Variants in NUP93 observed in about 807,000 individuals in gnomAD.
NUP93 encodes the protein nucleoporin 93, also known as nuclear pore complex protein Nup93.
A neutral mutation model predicts 107.8 loss-of-function variants in NUP93; 55 were observed. That is an observed-to-expected ratio of 0.51 (90% CI 0.41 to 0.64). The LOEUF is 0.64. Ranked by LOEUF, NUP93 falls within the 30% of genes least tolerant of loss-of-function variation. The pLI, the probability that NUP93 is intolerant of heterozygous loss-of-function variation, is 0.00. For missense variants in NUP93, 937 were observed against 1,044.7 expected (o/e 0.90, Z 1.42); for synonymous variants, 390 against 397.5 (o/e 0.98, Z 0.22).
chr16:56,752,567 C>T (rs1235019092), intron 2 of NUP93, among the ~76,000 whole-genome samples: 1 of 152,102 alleles, frequency 6.6e-6, no homozygotes, highest in African/African-American at 2.4e-5. Context: ...TAGTAAGATA[C>T]TAATACTCCC....
At chr16:56,808,650 A>AAATATATAAATACATTTATATAAATATAT (rs1963234332) in intron 5 of NUP93, among the ~76,000 whole-genome samples, 1 of 136,004 alleles carries the variant, frequency 7.4e-6, no homozygotes, top group Non-Finnish European at 1.5e-5. Flanking sequence ...ATAAATATAT[A>AAATATATAAATACATTTATATAAATATAT]AAAATACATA....
rs567327059 is a variant in NUP93 at position 56,829,318 on chromosome 16, G to A, written c.927+209G>A. On this transcript the variant is annotated intron_variant, in intron 9 of 21. Transcript: ENST00000308159. Reference sequence around the variant, plus strand: ...GACTCAGCTCCGGGTGGAGAAGAGTGCATGGAGAAGATGTCATTGGGTTCT... The same window carrying A: ...GACTCAGCTCCGGGTGGAGAAGAGTACATGGAGAAGATGTCATTGGGTTCT... Among the ~76,000 whole-genome samples, 38 of 152,368 alleles carry A rather than the reference G, an allele frequency of 2.5e-4. No individual in the cohort carries two copies. The East Asian group carries it at 5.2e-3, about 21-fold the overall frequency.
chr16:56,763,203 C>T (rs540837108), intron 3 of NUP93, among the ~76,000 whole-genome samples: 57 of 152,306 alleles, frequency 3.7e-4, no homozygotes, highest in African/African-American at 1.3e-3. Flanking sequence ...CATTGCTAGT[C>T]GTTCAGTACT....
At chr16:56,793,749 C>T (rs1252272397) in intron 3 of NUP93, among the ~76,000 whole-genome samples, 1 of 152,120 alleles carries the variant, frequency 6.6e-6, no homozygotes, top group African/African-American at 2.4e-5. Context: ...AAGAAACTCA[C>T]TGCCACTAGA....
intron 3 of NUP93, chr16:56,783,643 T>G (rs2144523662): frequency 1.0e-6 from 1 of 985,390 alleles, no homozygotes; most frequent in African/African-American, 1.7e-5. Context: ...GCTCCTTAAT[T>G]TAATGTATGG....
chr16:56,824,445 A>G (rs1331873855), intron 8 of NUP93, among the ~76,000 whole-genome samples: 1 of 152,190 alleles, frequency 6.6e-6, no homozygotes, highest in Non-Finnish European at 1.5e-5. Context: ...AGTAGGACCC[A>G]TGCCATCATC....
chr16:56,827,071 T>TAAAAAAAAAAAAAAAAAAAA (rs1567407800), intron 8 of NUP93, among the ~76,000 whole-genome samples: 1 of 69,236 alleles, frequency 1.4e-5, no homozygotes, highest in African/African-American at 5.1e-5. Context: ...AAAAAAAAAT[T>TAAAAAAAAAAAAAAAAAAAA]TTGTTGAGTC....
chr16:56,795,017 A>G (rs1236197540), intron 3 of NUP93, among the ~76,000 whole-genome samples: 2 of 151,708 alleles, frequency 1.3e-5, no homozygotes, highest in African/African-American at 2.4e-5. Flanking sequence ...CAGAGAAGGA[A>G]TATGACAGAA....
At chr16:56,818,215 T>C (rs1351205901) in intron 5 of NUP93, among the ~76,000 whole-genome samples, 1 of 152,164 alleles carries the variant, frequency 6.6e-6, no homozygotes, top group Non-Finnish European at 1.5e-5. Flanking sequence ...AGTGTGGAAA[T>C]GTCTGAATCA....
chr16:56,770,598 T>TACAA (rs1437399408), intron 3 of NUP93, among the ~76,000 whole-genome samples: 8 of 152,322 alleles, frequency 5.3e-5, no homozygotes, highest in Admixed American at 4.6e-4. Context: ...CTTTCTTGAC[T>TACAA]GTTGTACTCC....
intron 3 of NUP93, among the ~76,000 whole-genome samples, chr16:56,794,880 A>G (rs1567391892): frequency 2.2e-5 from 3 of 137,494 alleles, no homozygotes; most frequent in African/African-American, 8.3e-5. Flanking sequence ...GTGAGCCGAG[A>G]TCGTGCCATT....
At chr16:56,786,797 T>G (rs972576715) in intron 3 of NUP93, among the ~76,000 whole-genome samples, 8 of 152,240 alleles carry the variant, frequency 5.3e-5, no homozygotes, top group Admixed American at 3.3e-4. Context: ...ACGACCTTTT[T>G]AACTCTAGGT....
chr16:56,833,286 G>A lies in NUP93; in HGVS notation c.1417G>A (p.Glu473Lys). 1 of 1,607,504 alleles carries A rather than the reference G, an allele frequency of 6.2e-7. No individual in the cohort carries two copies. Among genetic ancestry groups the A allele is most frequent in the South Asian group, 1.1e-5 (1 of 89,890 alleles). The change falls in exon 13 of 22, where the codon GAA becomes AAA. Residue 473 changes from glutamate (E) to lysine (K), a missense_variant. Coordinates refer to ENST00000308159, the MANE Select transcript of NUP93 (RefSeq NM_014669.5). ...FQVLFLTAQF[E>K]AAVAFLFRME... is the part of the protein sequence containing the mutation. The stretch of plus-strand genomic sequence containing the variant: ...AGTCCTGTTCCTGACAGCGCAGTTT[G>A]AAGCAGCAGTTGCCTTTCTTTTCCG...
At position 56,831,901 on chromosome 16, in the gene NUP93, A is replaced by G. The variant is rs1205201672; in HGVS notation, c.1145A>G (p.Asn382Ser). ...RLHYRRALRN[N>S]TDPYKRAVYC... ...CATTACCGTAGGGCCCTCAGGAACA[A>G]TACAGATCCCTACAAGCGGGCCGTG... Residue 382 changes from asparagine to serine, a missense_variant, in exon 11 of 22, where the codon AAT (asparagine) becomes AGT (serine). Coordinates refer to ENST00000308159, the MANE Select transcript of NUP93 (RefSeq NM_014669.5). The G allele has an allele frequency of 2.5e-6, 4 of 1,614,008 alleles. No individual in the cohort carries two copies. In the South Asian group the frequency reaches 4.4e-5, roughly 18 times the overall value.
At chr16:56,812,234 T>TAAG (rs1165990497) in intron 5 of NUP93, among the ~76,000 whole-genome samples, 1 of 152,196 alleles carries the variant, frequency 6.6e-6, no homozygotes, top group East Asian at 1.9e-4. Flanking sequence ...AAAAGTAGAC[T>TAAG]AAGATATAGT....
intron 13 of NUP93, 54 bp from the exon 14 acceptor site, chr16:56,834,074 G>T (rs1304843963): frequency 1.6e-5 from 26 of 1,602,182 alleles, no homozygotes; most frequent in Non-Finnish European, 2.2e-5. Flanking sequence ...TTTCTGGGTT[G>T]CATGGGTCAG....
chr16:56,771,494 C>T (rs375538719), intron 3 of NUP93, among the ~76,000 whole-genome samples: 2 of 152,328 alleles, frequency 1.3e-5, no homozygotes, highest in African/African-American at 4.8e-5. Flanking sequence ...AGTTCTTTCA[C>T]CACTGGTCGA....
rs184128290 is a variant in NUP93 at position 56,808,016 on chromosome 16, C to T, written c.489+2384C>T. 4.1e-3 allele frequency among the ~76,000 whole-genome samples: 585 copies of T among 143,306 alleles called. 5 individuals are homozygous for T. The highest frequency in any genetic ancestry group is 0.014 in the African/African-American group (527 of 38,616). The allele number at this position is 143,306 out of a possible 152,430, so 94.0% of individuals were successfully genotyped here. On this transcript the variant is annotated intron_variant, in intron 5 of 21. Transcript: ENST00000308159. ...CCAGCCTGGTGACAAAAGGCAACTC[C>T]GTCTCAAAAAATATATATAAATATA...
At chr16:56,834,466 C>A (rs1177612481) in intron 15 of NUP93, 24 bp downstream of exon 15, 4 of 1,611,564 alleles carry the variant, frequency 2.5e-6, no homozygotes, top group Non-Finnish European at 3.4e-6. Flanking sequence ...CTTTTCTCTC[C>A]TCCCCATGGT....
Sources: gnomAD v4.1 joint callset for allele counts (sites outside exome capture counted in the v4.1 genomes callset) on GRCh38, gnomAD v4.1.1 for gene constraint, MANE v1.5 for transcripts, NCBI Gene and HGNC (gene_info 2026-07-23, HGNC 2026-07-21) for gene names.